FARP1: variants seen among roughly 807,000 people sequenced by gnomAD.
FARP1 encodes FERM, ARHGEF and pleckstrin domain-containing protein 1.
Under a neutral mutation model 128.8 loss-of-function variants are expected in FARP1, and 52 were observed. That is an observed-to-expected ratio of 0.40 (90% CI 0.32 to 0.51). FARP1 has a LOEUF of 0.51. Among genes scored for constraint, FARP1 ranks in the 20% least tolerant of loss-of-function variants. The pLI, the probability that FARP1 is intolerant of heterozygous loss-of-function variation, is 0.45. For synonymous variants in FARP1, 580 were observed against 551.8 expected (o/e 1.05, Z -0.72); for missense variants, 1,333 against 1,367.9 (o/e 0.97, Z 0.40).
At chr13:98,417,991 G>A (rs781219759) in intron 16 of FARP1, among the ~76,000 whole-genome samples, 1 of 152,182 alleles carries the variant, frequency 6.6e-6, no homozygotes, top group African/African-American at 2.4e-5. Flanking sequence ...TAACCCAAAT[G>A]TCCATTGACA....
intron 19 of FARP1, chr13:98,437,800 T>G: frequency 2.5e-6 from 4 of 1,595,402 alleles, no homozygotes; most frequent in Non-Finnish European, 3.4e-6. Context: ...ACTCCACACT[T>G]AGGACAAGCC....
At chr13:98,399,189 T>C (rs1306661846) in intron 13 of FARP1, 2 of 132,174 alleles carry the variant, frequency 1.5e-5, no homozygotes, top group African/African-American at 5.3e-5. Flanking sequence ...CTGTTTATCA[T>C]ACATCCTGAT....
intron 2 of FARP1, chr13:98,338,940 T>C (rs1887849641): frequency 6.6e-6 from 1 of 152,204 alleles, no homozygotes; most frequent in Non-Finnish European, 1.5e-5. Context: ...TCCGAGAAGC[T>C]TCCTCAGAAG....
chr13:98,303,157 C>T (rs1445288574), intron 2 of FARP1, among the ~76,000 whole-genome samples: 1 of 152,132 alleles, frequency 6.6e-6, no homozygotes, highest in Non-Finnish European at 1.5e-5. Context: ...TTGTTTGAAG[C>T]CATTTATGTG....
rs550220150 is a variant in FARP1 at position 98,271,307 on chromosome 13, C to A, written c.171+57894C>A. ...CACGGTGACGACTTTTTTCCAAGGA[C>A]CCACTTGGCGTCATTTGCTAAATGC... On this transcript the variant is annotated intron_variant, in intron 2 of 26. Transcript: ENST00000319562. Among the ~76,000 whole-genome samples the A allele has an allele frequency of 2.2e-4, 33 of 152,280 alleles. 1 individual carries two copies. The South Asian group carries it at 6.8e-3, about 32-fold the overall frequency.
upstream of FARP1, among the ~76,000 whole-genome samples, chr13:98,142,939 C>CGGGCG (rs1395394178): frequency 1.3e-4 from 20 of 150,496 alleles, no homozygotes; most frequent in African/African-American, 1.9e-4. Context: ...CGCACCTGCC[C>CGGGCG]GGGCGGAGCG....
Position 98,246,340 on chromosome 13 carries a change from G to A in FARP1, c.171+32927G>A, listed in dbSNP as rs1418142140. ...TCGATCTCCTGACCTCGTGATCCCC[G>A]CCTCGGCCTCCCAAAGTGCTGGGAT... On this transcript the variant is annotated intron_variant, in intron 2 of 26. Coordinates refer to ENST00000319562, the MANE Select transcript of FARP1 (RefSeq NM_005766.4). Among the ~76,000 whole-genome samples the A allele has an allele frequency of 2.7e-3, 331 of 123,408 alleles. 3 individuals are homozygous for A. Among genetic ancestry groups the A allele is most frequent in the African/African-American group, 7.6e-3 (254 of 33,232 alleles). The allele number at this position is 123,408 out of a possible 152,430, so 81.0% of individuals were successfully genotyped here. A position where few individuals can be genotyped will look rare whatever the true frequency, so the allele number is the denominator to read the frequency against.
intron 2 of FARP1, among the ~76,000 whole-genome samples, chr13:98,270,994 A>G (rs1884364143): frequency 6.6e-6 from 1 of 152,202 alleles, no homozygotes; most frequent in African/African-American, 2.4e-5. Context: ...TCATGATGTA[A>G]GACGAGGCGA....
chr13:98,378,941 A>G lies in FARP1; in HGVS notation c.496+1023A>G, dbSNP rs1318949685. On this transcript the variant is annotated intron_variant, in intron 6 of 26. Transcript: ENST00000319562. ...ATATAATATATACAATATATAATCT[A>G]TATATAATATATATATAATATATAC... Among the ~76,000 whole-genome samples the G allele has an allele frequency of 2.3e-4, 25 of 108,560 alleles. 3 individuals are homozygous for G. The highest frequency in any genetic ancestry group is 7.8e-4 in the African/African-American group (21 of 26,878). 71.2% of individuals were successfully genotyped at this position (108,560 alleles called of 152,430 possible). A position where few individuals can be genotyped will look rare whatever the true frequency, so the allele number is the denominator to read the frequency against.
chr13:98,438,400 G>A lies in FARP1; in HGVS notation c.2275-404G>A, dbSNP rs145293958. On this transcript the variant is annotated intron_variant, in intron 19 of 26. Transcript: ENST00000319562. ...TGGGGTCCTTCTGATCTCCCTCACC[G>A]TGGGGAGCCCTGGGGATCCTGGGGT... Among the ~76,000 whole-genome samples the A allele has an allele frequency of 2.7e-3, 403 of 152,074 alleles. 2 individuals carry two copies. The highest frequency in any genetic ancestry group is 9.2e-3 in the African/African-American group (381 of 41,476).
At chr13:98,262,871 A>C (rs1240528547) in intron 2 of FARP1, among the ~76,000 whole-genome samples, 1 of 152,156 alleles carries the variant, frequency 6.6e-6, no homozygotes, top group Non-Finnish European at 1.5e-5. Flanking sequence ...TGGAGAAGCT[A>C]AGTATTACAG....
In FARP1 at chr13:98,449,746, T is replaced by C. The variant is rs1893096041; in HGVS notation, c.*1429T>C. On this transcript the variant is annotated 3_prime_UTR_variant, in exon 27 of 27. Coordinates refer to ENST00000319562, the MANE Select transcript of FARP1 (RefSeq NM_005766.4). ...AAATACCTCACGCCACAATCCAGCATATTGATGTTTTAAGGCAAAACAACC... is the reference window on the plus strand; with the variant it reads ...AAATACCTCACGCCACAATCCAGCACATTGATGTTTTAAGGCAAAACAACC... 6.6e-6 allele frequency: 1 copy of C among 151,452 alleles called. No homozygotes were observed. Among genetic ancestry groups the C allele is most frequent in the South Asian group, 2.1e-4 (1 of 4,748 alleles). The allele number at this position is 151,452 out of a possible 1,614,324, so 9.4% of individuals were successfully genotyped here.
chr13:98,277,254 G>A (rs974107587), intron 2 of FARP1, among the ~76,000 whole-genome samples: 1 of 152,082 alleles, frequency 6.6e-6, no homozygotes, highest in Non-Finnish European at 1.5e-5. Flanking sequence ...CTGGGCTCAA[G>A]TGGTCCTCTG....
At chr13:98,325,050 C>T (rs1434057295) in intron 2 of FARP1, among the ~76,000 whole-genome samples, 1 of 152,174 alleles carries the variant, frequency 6.6e-6, no homozygotes, top group East Asian at 1.9e-4. Context: ...ACTGTAGAAG[C>T]ACTTCAGAAC....
Position 98,435,573 on chromosome 13 carries a change from C to T in FARP1, c.2144-3C>T, listed in dbSNP as rs1271746001. 1 of 1,607,978 alleles carries T rather than the reference C, an allele frequency of 6.2e-7. No individual in the cohort carries two copies. The highest frequency in any genetic ancestry group is 1.7e-5 in the Admixed American group (1 of 59,722). ...GCAGACTGTGTATGTCTTTCCTTCA[C>T]AGCCGCTTTGGCAGAGATCACGGAG... On this transcript the variant is annotated splice_region_variant and splice_polypyrimidine_tract_variant and intron_variant, in intron 18 of 26. Transcript: ENST00000319562.
chr13:98,177,114 G>A, intron 1 of FARP1: 2 of 1,602,002 alleles, frequency 1.2e-6, no homozygotes, highest in Non-Finnish European at 1.7e-6. Flanking sequence ...CTCCGTGCTC[G>A]GGGTCGCAGG....
At chr13:98,219,741 C>T (rs1235189220) in intron 2 of FARP1, among the ~76,000 whole-genome samples, 4 of 152,238 alleles carry the variant, frequency 2.6e-5, no homozygotes, top group Admixed American at 2.6e-4. Context: ...TCTTGGCTCA[C>T]TGCCGCCTTG....
At chr13:98,268,863 C>T (rs1312727344) in intron 2 of FARP1, among the ~76,000 whole-genome samples, 5 of 151,818 alleles carry the variant, frequency 3.3e-5, no homozygotes, top group Admixed American at 2.6e-4. Context: ...TGTGCCACCA[C>T]GCTCGGCTAA....
At chr13:98,178,603 A>G (rs1416815092) in intron 1 of FARP1, among the ~76,000 whole-genome samples, 6 of 152,222 alleles carry the variant, frequency 3.9e-5, no homozygotes, top group Non-Finnish European at 8.8e-5. Context: ...AGTGCATGTC[A>G]TAAAGTGTTA....
Sources: allele counts gnomAD v4.1 joint callset (sites outside exome capture counted in the v4.1 genomes callset), GRCh38; gene constraint gnomAD v4.1.1; transcripts MANE v1.5; gene names NCBI Gene and HGNC (gene_info 2026-07-23, HGNC 2026-07-21).